The following CCDC180 variants were observed in gnomAD, a reference collection of about 807,000 sequenced individuals.
The protein encoded by CCDC180 is coiled-coil domain containing 180.
CCDC180 carries 154 observed loss-of-function variants against 209.2 expected under a neutral mutation model. The ratio of observed to expected loss-of-function variants is 0.74; its 90% CI spans 0.65 to 0.84. The LOEUF is 0.84. Among genes scored for constraint, CCDC180 ranks in the 40% least tolerant of loss-of-function variants. The pLI is 0.00. For synonymous variants in CCDC180, 778 were observed against 749.1 expected, an observed-to-expected ratio of 1.04 and a Z score of -0.63; for missense variants, 1,874 against 1,997.3, an observed-to-expected ratio of 0.94 and a Z score of 1.18.
chr9:97,354,653 G>T lies in CCDC180; in HGVS notation c.3087G>T (p.Glu1029Asp). 6.2e-7 allele frequency: 1 copy of T among 1,614,250 alleles called. No homozygotes were observed. ...SRLEKEAARI[E>D]LVESVIMLNM... ...TGGAGAAGGAAGCTGCCCGGATAGA[G>T]TTGGTTGAAAGTGTCATCATGCTCA... The change falls in exon 23 of 37, where the codon GAG becomes GAT. Residue 1029 changes from glutamate to aspartate, a missense_variant. Physicochemically the swap from Glu to Asp is conservative, Grantham distance 45. Transcript: ENST00000529487.
chr9:97,332,239 T>C (rs1437488626), intron 18 of CCDC180, among the ~76,000 whole-genome samples: 1 of 152,222 alleles, frequency 6.6e-6, no homozygotes, highest in African/African-American at 2.4e-5. Flanking sequence ...GTGTCTGTTT[T>C]TGTGCTTGTA....
intron 12 of CCDC180, 136 bp from the exon 13 acceptor site, chr9:97,323,645 C>T: frequency 9.1e-7 from 1 of 1,098,288 alleles, no homozygotes; most frequent in Non-Finnish European, 1.3e-6. Flanking sequence ...CTAAGGGGAA[C>T]AGAATTCATG....
At chr9:97,330,230 C>T in intron 17 of CCDC180, 37 bp downstream of exon 17, 2 of 1,612,860 alleles carry the variant, frequency 1.2e-6, no homozygotes, top group South Asian at 2.2e-5. Flanking sequence ...TTCTCCCAGA[C>T]TTCACTCTTA....
intron 31 of CCDC180, among the ~76,000 whole-genome samples, chr9:97,367,407 C>G (rs1388022370): frequency 6.6e-6 from 1 of 152,060 alleles, no homozygotes; most frequent in Non-Finnish European, 1.5e-5. Flanking sequence ...CCAGCCCCAC[C>G]ACTTCCCAGC....
chr9:97,370,913 G>A (rs1827074149), intron 33 of CCDC180, 135 bp downstream of exon 33: 3 of 637,806 alleles, frequency 4.7e-6, no homozygotes, highest in Non-Finnish European at 4.9e-6. Flanking sequence ...GGTTTTGTAG[G>A]TAAAAATGGC....
At position 97,362,407 on chromosome 9, in the gene CCDC180, G is replaced by A; in HGVS notation, c.3868G>A (p.Ala1290Thr). 2 of 1,614,148 alleles carry A rather than the reference G, an allele frequency of 1.2e-6. No individual in the cohort carries two copies. The highest frequency in any genetic ancestry group is 1.7e-6 in the Non-Finnish European group (2 of 1,180,034). Residue 1290 changes from alanine (A) to threonine (T), a missense_variant, in exon 28 of 37, where the codon GCT (alanine) becomes ACT (threonine). Ala to Thr is a moderately conservative substitution (Grantham distance 58). Coordinates refer to ENST00000529487, the MANE Select transcript of CCDC180 (RefSeq NM_020893.6). Reference protein sequence around the residue: ...RCQPENSGKKAVPSASATSAG... With the variant: ...RCQPENSGKKTVPSASATSAG... ...CCAGCCAGAAAACTCTGGGAAGAAG[G>A]CTGTACCCAGTGCCAGTGCTACCTC...
chr9:97,314,421 G>C lies in CCDC180; in HGVS notation c.488G>C (p.Gly163Ala). 6.2e-7 allele frequency: 1 copy of C among 1,614,100 alleles called. No homozygotes were observed. Among genetic ancestry groups the C allele is most frequent in the East Asian group, 2.2e-5 (1 of 44,876 alleles). The change falls in exon 6 of 37, where the codon GGG (glycine) becomes GCG (alanine). Residue 163 changes from glycine (G) to alanine (A), a missense_variant. Physicochemically the swap from Gly to Ala is moderately conservative, Grantham distance 60. Coordinates refer to ENST00000529487, the MANE Select transcript of CCDC180 (RefSeq NM_020893.6). Reference sequence around the variant, plus strand: ...ATGGAACCTCTCATCGTGGACACAGGGGGACTTTTTTTGAAGAAGCTGACT... The same window carrying C: ...ATGGAACCTCTCATCGTGGACACAGCGGGACTTTTTTTGAAGAAGCTGACT... ...KEMEPLIVDTGGLFLKKLTES... is the reference protein window; with the variant it reads ...KEMEPLIVDTAGLFLKKLTES...
intron 14 of CCDC180, 42 bp from the exon 15 acceptor site, chr9:97,326,512 G>A (rs1299358324): frequency 8.5e-7 from 1 of 1,171,086 alleles, no homozygotes; most frequent in East Asian, 2.3e-5. Flanking sequence ...GTGAGCACTG[G>A]AGGTCACATC....
Position 97,374,646 on chromosome 9 carries a change from C to T in CCDC180, c.4704C>T (p.Ser1568=). 1 of 1,612,844 alleles carries T rather than the reference C, an allele frequency of 6.2e-7. No homozygotes were observed. The highest frequency in any genetic ancestry group is 8.5e-7 in the Non-Finnish European group (1 of 1,178,964). Residue 1568 remains serine (S), a splice_region_variant and synonymous_variant, in exon 35 of 37, where the codon AGC becomes AGT. Coordinates refer to ENST00000529487, the MANE Select transcript of CCDC180 (RefSeq NM_020893.6). ...ESEKPLIERG[S]RKWPGIKPTE... ...AGAAACCCCTGATTGAACGTGGAAG[C>T]AGGTGAGAACCAAGAGCAGCAAGGA...
intron 11 of CCDC180, among the ~76,000 whole-genome samples, chr9:97,322,216 A>C (rs372957082): frequency 6.6e-6 from 1 of 151,872 alleles, no homozygotes; most frequent in African/African-American, 2.4e-5. Context: ...GCATCTGTCA[A>C]CCCTCCCAGG....
At chr9:97,362,073 T>C in intron 27 of CCDC180, 123 bp from the exon 28 acceptor site, 1 of 1,431,600 alleles carries the variant, frequency 7.0e-7, no homozygotes, top group Non-Finnish European at 9.5e-7. Context: ...TCATCTGAAA[T>C]GGGGCTCGTG....
intron 28 of CCDC180, chr9:97,363,651 G>A (rs766805267): frequency 1.3e-5 from 7 of 524,682 alleles, no homozygotes; most frequent in African/African-American, 3.9e-5. Flanking sequence ...TGAAAATTAC[G>A]GTGTTTATAT....
chr9:97,359,126 T>C (rs1021113156), intron 25 of CCDC180, among the ~76,000 whole-genome samples: 3 of 152,176 alleles, frequency 2.0e-5, no homozygotes, highest in Non-Finnish European at 4.4e-5. Context: ...GTGGCTCCTA[T>C]ATTTTGCCTG....
At chr9:97,371,768 A>G in intron 34 of CCDC180, 62 bp downstream of exon 34, 2 of 1,040,432 alleles carry the variant, frequency 1.9e-6, no homozygotes, top group South Asian at 3.3e-5. Context: ...TAGGTTGGGC[A>G]GGGGTCTGCT....
intron 15 of CCDC180, among the ~76,000 whole-genome samples, chr9:97,327,603 G>T (rs1833576342): frequency 1.3e-5 from 2 of 152,154 alleles, no homozygotes; most frequent in African/African-American, 4.8e-5. Flanking sequence ...GCAGTACTTA[G>T]ATTCAGAAGG....
chr9:97,350,970 G>A (rs1057040771), intron 22 of CCDC180, among the ~76,000 whole-genome samples: 2 of 152,174 alleles, frequency 1.3e-5, no homozygotes, highest in Admixed American at 1.3e-4. Flanking sequence ...CATGTATCAT[G>A]TATCATGTGT....
chr9:97,363,667 T>A (rs192895122), intron 28 of CCDC180: 18 of 508,942 alleles, frequency 3.5e-5, no homozygotes, highest in Non-Finnish European at 7.3e-5. Flanking sequence ...TATATGAAAT[T>A]CAAGTTTAAA....
chr9:97,316,663 T>C (rs1347537648), intron 8 of CCDC180, among the ~76,000 whole-genome samples: 18 of 152,198 alleles, frequency 1.2e-4, no homozygotes, highest in Admixed American at 1.2e-3. Context: ...GTCTCGGTTC[T>C]CCTAACAACC....
chr9:97,367,908 G>A (rs1248817839), intron 31 of CCDC180, among the ~76,000 whole-genome samples: 1 of 152,180 alleles, frequency 6.6e-6, no homozygotes, highest in Non-Finnish European at 1.5e-5. Flanking sequence ...CATAGCTGTG[G>A]TTGTTGAATG....
Sources: allele counts gnomAD v4.1 joint callset (sites outside exome capture counted in the v4.1 genomes callset), GRCh38; gene constraint gnomAD v4.1.1; transcripts MANE v1.5; gene names NCBI Gene and HGNC (gene_info 2026-07-23, HGNC 2026-07-21).